Variants in ARHGEF33 observed in about 807,000 individuals in gnomAD.
ARHGEF33 encodes DH and coiled-coil domain-containing protein ENSP00000381780.
Under a neutral mutation model 101.9 loss-of-function variants are expected in ARHGEF33, and 72 were observed. That is an observed-to-expected ratio of 0.71 (90% CI 0.58 to 0.86). The LOEUF is 0.86. Among genes scored for constraint, ARHGEF33 ranks in the 40% least tolerant of loss-of-function variants. ARHGEF33 has a pLI of 0.00. For missense variants in ARHGEF33, 1,169 were observed against 1,111.3 expected (o/e 1.05, Z -0.74); for synonymous variants, 499 against 442.5 (o/e 1.13, Z -1.60).
chr2:38,919,490 T>A lies in ARHGEF33; in HGVS notation c.25+18T>A, dbSNP rs374488189. On this transcript the variant is annotated intron_variant, in intron 3 of 17. Transcript: ENST00000409978. The stretch of plus-strand genomic sequence containing the variant: ...AAAGCAAGGTCAGATTTTTCCTATG[T>A]CTTGCTTTAGGACTTAGGATTCAAG... 7 of 1,551,538 alleles carry A rather than the reference T, an allele frequency of 4.5e-6. No homozygotes were observed. The highest frequency in any genetic ancestry group is 4.1e-5 in the African/African-American group (3 of 73,060).
chr2:38,956,913 C>G lies in ARHGEF33; in HGVS notation c.1236C>G (p.Phe412Leu), dbSNP rs1667782008. ...YLIHLQNVLK[F>L]TEQEHPDYYL... The stretch of plus-strand genomic sequence containing the variant: ...CCTCCATCCAGAACGTCCTGAAGTT[C>G]ACAGAGCAGGAGCACCCTGACTATT... Residue 412 changes from phenylalanine (F) to leucine (L), a missense_variant, in exon 14 of 18, where the codon TTC becomes TTG. Transcript: ENST00000409978. The G allele has an allele frequency of 1.3e-6, 2 of 1,552,380 alleles. No individual in the cohort carries two copies. The highest frequency in any genetic ancestry group is 1.7e-6 in the Non-Finnish European group (2 of 1,147,138).
At chr2:38,903,471 C>T (rs1344060284) in intron 2 of ARHGEF33, among the ~76,000 whole-genome samples, 1 of 151,386 alleles carries the variant, frequency 6.6e-6, no homozygotes, top group South Asian at 2.1e-4. Context: ...AAGCCCATCA[C>T]ATAATTTGTT....
rs1666931482 is a variant in ARHGEF33 at position 38,928,890 on chromosome 2, T to G, written c.76-17T>G. The G allele has an allele frequency of 4.6e-6, 7 of 1,535,890 alleles. No homozygotes were observed. Among genetic ancestry groups the G allele is most frequent in the Non-Finnish European group, 5.3e-6 (6 of 1,141,032 alleles). On this transcript the variant is annotated splice_polypyrimidine_tract_variant and intron_variant, in intron 4 of 17. Transcript: ENST00000409978. ...TAATTTCCAGCAAATTGAATTAACT[T>G]TTCATGCATTATTTAGTTGCAGGCC...
chr2:38,945,160 TTTAAACA>T (rs1667411171), intron 10 of ARHGEF33, among the ~76,000 whole-genome samples: 1 of 152,236 alleles, frequency 6.6e-6, no homozygotes, highest in African/African-American at 2.4e-5. Flanking sequence ...GCATTATTAC[TTTAAACA>T]TTCCATTGGG....
chr2:38,962,166 A>C (rs1667957765), intron 16 of ARHGEF33, among the ~76,000 whole-genome samples: 1 of 152,236 alleles, frequency 6.6e-6, no homozygotes, highest in Admixed American at 6.5e-5. Context: ...AAATTTGATT[A>C]GGCAGAATTT....
At chr2:38,968,725 T>G (rs1450378185) in intron 17 of ARHGEF33, among the ~76,000 whole-genome samples, 1 of 152,180 alleles carries the variant, frequency 6.6e-6, no homozygotes, top group Non-Finnish European at 1.5e-5. Context: ...ATCCGAAGTG[T>G]TGTCTGAGTG....
intron 17 of ARHGEF33, 39 bp from the exon 18 acceptor site, chr2:38,973,675 C>A: frequency 2.1e-6 from 3 of 1,440,744 alleles, no homozygotes; most frequent in Non-Finnish European, 2.7e-6. Flanking sequence ...CAATTAAAAC[C>A]AAATCAACCT....
At chr2:38,925,450 A>T (rs1322364803) in intron 4 of ARHGEF33, among the ~76,000 whole-genome samples, 1 of 152,166 alleles carries the variant, frequency 6.6e-6, no homozygotes, top group African/African-American at 2.4e-5. Context: ...TAACTCTTCT[A>T]GGCCTGTGGT....
At chr2:38,949,414 T>C (rs547366988) in intron 10 of ARHGEF33, among the ~76,000 whole-genome samples, 8 of 152,282 alleles carry the variant, frequency 5.3e-5, no homozygotes, top group South Asian at 2.1e-4. Context: ...TTTTTCTTCC[T>C]CTTTTCTATA....
intron 3 of ARHGEF33, among the ~76,000 whole-genome samples, chr2:38,920,854 G>A (rs1666741530): frequency 6.6e-6 from 1 of 152,162 alleles, no homozygotes; most frequent in South Asian, 2.1e-4. Flanking sequence ...CTGTTGCCCA[G>A]GAGGACAGCA....
chr2:38,904,203 T>C (rs1223831349), intron 2 of ARHGEF33, among the ~76,000 whole-genome samples: 1 of 152,112 alleles, frequency 6.6e-6, no homozygotes, highest in Non-Finnish European at 1.5e-5. Context: ...GGGCCTACAT[T>C]AGACTTTGGA....
chr2:38,959,722 C>T, intron 15 of ARHGEF33, 119 bp from the exon 16 acceptor site: 1 of 1,145,824 alleles, frequency 8.7e-7, no homozygotes, highest in Non-Finnish European at 1.2e-6. Context: ...GTTTGTGGAG[C>T]TCGGGAGGTG....
intron 4 of ARHGEF33, among the ~76,000 whole-genome samples, chr2:38,925,158 T>C (rs896976970): frequency 1.3e-5 from 2 of 152,150 alleles, no homozygotes; most frequent in Admixed American, 6.5e-5. Context: ...TAGAACAAAA[T>C]AGAAGGAAAT....
intron 14 of ARHGEF33, 106 bp from the exon 15 acceptor site, chr2:38,957,928 A>G (rs1297539792): frequency 5.8e-6 from 8 of 1,373,552 alleles, no homozygotes; most frequent in Non-Finnish European, 7.0e-6. Flanking sequence ...AGACCTTCAC[A>G]GCAAACTTTA....
intron 10 of ARHGEF33, among the ~76,000 whole-genome samples, chr2:38,947,964 A>G (rs1667493789): frequency 6.6e-6 from 1 of 152,018 alleles, no homozygotes; most frequent in Non-Finnish European, 1.5e-5. Context: ...CTATAACTGG[A>G]TTTTTCTTTC....
chr2:38,907,758 C>A (rs1666423024), intron 2 of ARHGEF33, among the ~76,000 whole-genome samples: 1 of 152,040 alleles, frequency 6.6e-6, no homozygotes, highest in South Asian at 2.1e-4. Flanking sequence ...TCAATTGGGA[C>A]TTACTTAGTG....
At position 38,960,215 on chromosome 2, in the gene ARHGEF33, C is replaced by T; in HGVS notation, c.1910C>T (p.Pro637Leu). 6.5e-7 allele frequency: 1 copy of T among 1,546,800 alleles called. No individual in the cohort carries two copies. The change falls in exon 16 of 18, where the codon CCG (proline) becomes CTG (leucine). Residue 637 changes from proline to leucine, a missense_variant. Physicochemically the swap from Pro to Leu is moderately conservative, Grantham distance 98. Transcript: ENST00000409978. The part of the protein sequence containing the change: ...APYDEEPFQA[P>L]ALFENCSPAS... ...TACGACGAGGAGCCGTTCCAGGCTCCGGCCCTCTTCGAGAACTGCTCGCCT... is the reference window on the plus strand; with the variant it reads ...TACGACGAGGAGCCGTTCCAGGCTCTGGCCCTCTTCGAGAACTGCTCGCCT...
intron 17 of ARHGEF33, chr2:38,972,995 G>T (rs900331720): frequency 2.0e-5 from 3 of 152,226 alleles, no homozygotes; most frequent in African/African-American, 7.2e-5. Context: ...TTTCCAGAAA[G>T]CCTCCTCCCT....
chr2:38,901,886 C>T (rs1379966475), intron 2 of ARHGEF33, among the ~76,000 whole-genome samples: 5 of 152,222 alleles, frequency 3.3e-5, no homozygotes, highest in African/African-American at 4.8e-5. Flanking sequence ...GAGGCTGAGA[C>T]GGGTGGATCA....
Sources: gnomAD v4.1 joint callset for allele counts (sites outside exome capture counted in the v4.1 genomes callset) on GRCh38, gnomAD v4.1.1 for gene constraint, MANE v1.5 for transcripts, NCBI Gene and HGNC (gene_info 2026-07-23, HGNC 2026-07-21) for gene names.